The following GLI4 variants were observed in gnomAD, a reference collection of about 807,000 sequenced individuals.
GLI4 encodes zinc finger protein GLI4.
Under a neutral mutation model 30.9 loss-of-function variants are expected in GLI4, and 34 were observed. That is an observed-to-expected ratio of 1.10 (90% CI 0.84 to 1.47). The LOEUF is 1.47. Ranked by LOEUF, GLI4 falls within the 40% of genes most tolerant of loss-of-function variation. The probability of loss-of-function intolerance (pLI) is 0.00; values close to 1 mark genes in which losing one functional copy is unlikely to be tolerated. For synonymous variants in GLI4, 277 were observed against 236.7 expected (o/e 1.17, Z -1.56); for missense variants, 696 against 538.9 (o/e 1.29, Z -2.89).
rs772416243 is a variant in GLI4 at position 143,276,221 on chromosome 8, A to C, written c.548A>C (p.His183Pro). ...RQGSARGAKPHRCEACGKSFK... is the reference protein window; with the variant it reads ...RQGSARGAKPPRCEACGKSFK... ...GGCAGCGCGCGGGGGGCCAAGCCGC[A>C]CAGGTGCGAGGCCTGCGGCAAGAGT... The change falls in exon 4 of 4, where the codon CAC becomes CCC. Residue 183 changes from histidine to proline, a missense_variant. Physicochemically the swap from His to Pro is moderately conservative, Grantham distance 77 (BLOSUM62 -2). Transcript: ENST00000340042. The C allele has an allele frequency of 1.1e-5, 18 of 1,591,906 alleles. No homozygotes were observed. The highest frequency in any genetic ancestry group is 1.4e-5 in the Non-Finnish European group (16 of 1,170,192).
intron 2 of GLI4, among the ~76,000 whole-genome samples, chr8:143,272,625 C>T (rs572445564): frequency 2.0e-4 from 31 of 152,188 alleles, no homozygotes; most frequent in African/African-American, 5.5e-4. Flanking sequence ...TCTGGGTGTG[C>T]ACCCTGTGGA....
chr8:143,275,394 G>T (rs1375887853), intron 3 of GLI4: 3 of 1,397,550 alleles, frequency 2.1e-6, no homozygotes, highest in Non-Finnish European at 1.9e-6. Context: ...CTGGGCCAGA[G>T]ATTTGCGTGG....
In GLI4 at chr8:143,276,732, T is replaced by A; in HGVS notation, c.1059T>A (p.Cys353Ter). 6.2e-7 allele frequency: 1 copy of A among 1,608,978 alleles called. No homozygotes were observed. The highest frequency in any genetic ancestry group is 8.5e-7 in the Non-Finnish European group (1 of 1,178,188). ...RTHTGEKPFA[C>*]GACGKAFGQS... ...ACACGGGCGAGAAGCCCTTCGCGTG[T>A]GGCGCCTGCGGCAAGGCCTTCGGCC... The change falls in exon 4 of 4, where the codon TGT becomes TGA. Residue 353 changes from cysteine (C) to a stop codon, truncating the protein, a stop_gained. Coordinates refer to ENST00000340042, the MANE Select transcript of GLI4 (RefSeq NM_138465.4). LOFTEE classifies it high-confidence loss of function.
intron 1 of GLI4, chr8:143,268,080 C>T (rs1586724617): frequency 1.2e-5 from 12 of 985,424 alleles, no homozygotes; most frequent in Non-Finnish European, 1.4e-5. Context: ...CGAGCAGGCC[C>T]TTTTACCAGG....
At position 143,269,526 on chromosome 8, in the gene GLI4, C is replaced by T; in HGVS notation, c.124+6C>T. ...CCTCCATGGGCATCAACATGGTACT[C>T]ACCCAGCCCGCTGTGCGCCCTCCAC... On this transcript the variant is annotated splice_donor_region_variant and intron_variant, in intron 2 of 3. Coordinates refer to ENST00000340042, the MANE Select transcript of GLI4 (RefSeq NM_138465.4). 2 of 1,611,234 alleles carry T rather than the reference C, an allele frequency of 1.2e-6. No individual in the cohort carries two copies. The highest frequency in any genetic ancestry group is 1.7e-5 in the Admixed American group (1 of 60,004).
At chr8:143,273,074 C>G (rs183834624) in intron 2 of GLI4, 1 of 152,410 alleles carries the variant, frequency 6.6e-6, no homozygotes, top group Non-Finnish European at 1.5e-5. Flanking sequence ...GAATCGGGGT[C>G]ACTTTCTTTC....
chr8:143,275,143 C>T (rs1420338503), intron 3 of GLI4: 2 of 1,535,534 alleles, frequency 1.3e-6, no homozygotes, highest in Non-Finnish European at 8.7e-7. Context: ...CACCACTGTC[C>T]CCCCAGATCC....
At chr8:143,268,882 C>T (rs1586725239) in intron 1 of GLI4, among the ~76,000 whole-genome samples, 2 of 43,102 alleles carry the variant, frequency 4.6e-5, no homozygotes, top group East Asian at 1.6e-3. Flanking sequence ...CTTGCTGTGT[C>T]TCCCAGGCTG....
rs553133896 is a variant in GLI4, at chr8:143,275,999, G to T, written c.326G>T (p.Arg109Leu). The change falls in exon 4 of 4, where the codon CGC (arginine) becomes CTC (leucine). Residue 109 changes from arginine to leucine, a missense_variant. Coordinates refer to ENST00000340042, the MANE Select transcript of GLI4 (RefSeq NM_138465.4). ...ALRSLLRSLP[R>L]RARCSAGFGP... ...CGCAGCCTCCTGAGGAGCCTTCCCCGCAGGGCCCGGTGCAGCGCCGGCTTC... is the reference window on the plus strand; with the variant it reads ...CGCAGCCTCCTGAGGAGCCTTCCCCTCAGGGCCCGGTGCAGCGCCGGCTTC... The T allele has an allele frequency of 1.1e-5, 15 of 1,407,316 alleles. No individual in the cohort carries two copies. The highest frequency in any genetic ancestry group is 6.0e-5 in the Admixed American group (2 of 33,142). The allele number at this position is 1,407,316 out of a possible 1,614,324, so 87.2% of individuals were successfully genotyped here.
intron 1 of GLI4, chr8:143,267,714 G>T (rs1292153761): frequency 1.0e-6 from 1 of 985,262 alleles, no homozygotes; most frequent in Non-Finnish European, 1.2e-6. Context: ...GATAGCGGGT[G>T]TCCGTTCGCA....
At chr8:143,270,627 T>TA (rs1306494949) in intron 2 of GLI4, among the ~76,000 whole-genome samples, 1 of 152,158 alleles carries the variant, frequency 6.6e-6, no homozygotes, top group African/African-American at 2.4e-5. Context: ...CCTCACCCCT[T>TA]AGTCAGAATC....
chr8:143,273,430 C>T (rs9657359), intron 2 of GLI4: 5,869 of 152,396 alleles, frequency 0.039, 176 homozygotes, highest in South Asian at 0.12. Context: ...CCCTTCATAT[C>T]GGGCCTCCCC....
At position 143,276,177 on chromosome 8, in the gene GLI4, C is replaced by G. The variant is rs770910881; in HGVS notation, c.504C>G (p.Asn168Lys). 1.9e-6 allele frequency: 3 copies of G among 1,556,366 alleles called. No homozygotes were observed. The highest frequency in any genetic ancestry group is 2.7e-5 in the African/African-American group (2 of 73,266). Residue 168 changes from asparagine to lysine, a missense_variant, in exon 4 of 4, where the codon AAC (asparagine) becomes AAG (lysine). Coordinates refer to ENST00000340042, the MANE Select transcript of GLI4 (RefSeq NM_138465.4). Reference protein sequence around the residue: ...APERAAELGVNFGRSRQGSAR... With the variant: ...APERAAELGVKFGRSRQGSAR... ...AGCGGGCTGCCGAGCTGGGAGTCAA[C>G]TTCGGTCGGAGCCGGCAGGGCAGCG...
At position 143,269,532 on chromosome 8, in the gene GLI4, G is replaced by T. The variant is rs200429907; in HGVS notation, c.124+12G>T. ...TGGGCATCAACATGGTACTCACCCA[G>T]CCCGCTGTGCGCCCTCCACCCTGCA... On this transcript the variant is annotated intron_variant, in intron 2 of 3. Coordinates refer to ENST00000340042, the MANE Select transcript of GLI4 (RefSeq NM_138465.4). The T allele has an allele frequency of 1.7e-4, 268 of 1,609,720 alleles. No individual in the cohort carries two copies. In the African/African-American group the frequency reaches 3.0e-3, roughly 18 times the overall value.
chr8:143,275,528 T>A (rs2129688883), intron 3 of GLI4: 1 of 1,261,676 alleles, frequency 7.9e-7, no homozygotes, highest in Middle Eastern at 3.0e-4. Flanking sequence ...AGGCGCCCTC[T>A]GGAGCTCTGG....
At chr8:143,275,736 C>T in intron 3 of GLI4, 161 bp from the exon 4 acceptor site, 1 of 1,240,428 alleles carries the variant, frequency 8.1e-7, no homozygotes, top group Non-Finnish European at 1.0e-6. Flanking sequence ...GCACGGCACT[C>T]CGAGCCCCTG....
intron 2 of GLI4, among the ~76,000 whole-genome samples, chr8:143,270,611 C>G (rs532280978): frequency 6.6e-6 from 1 of 152,310 alleles, no homozygotes; most frequent in Non-Finnish European, 1.5e-5. Context: ...CCCTGAGGGC[C>G]GTGCTCCTCA....
chr8:143,268,149 C>G, intron 1 of GLI4: 2 of 927,082 alleles, frequency 2.2e-6, no homozygotes, highest in Non-Finnish European at 2.6e-6. Flanking sequence ...AGGACCTGCA[C>G]CCAGTGGCCA....
At chr8:143,270,488 A>C (rs1815244243) in intron 2 of GLI4, among the ~76,000 whole-genome samples, 1 of 152,160 alleles carries the variant, frequency 6.6e-6, no homozygotes, top group Non-Finnish European at 1.5e-5. Context: ...GAGGCTGGGA[A>C]GGGGCGCCCG....
Sources: gnomAD v4.1 joint callset for allele counts (sites outside exome capture counted in the v4.1 genomes callset) on GRCh38, gnomAD v4.1.1 for gene constraint, MANE v1.5 for transcripts, NCBI Gene and HGNC (gene_info 2026-07-23, HGNC 2026-07-21) for gene names.